Variants in RAF1 observed in about 807,000 individuals in gnomAD.
RAF1 encodes the protein RAF proto-oncogene serine/threonine-protein kinase.
RAF1 carries 27 observed loss-of-function variants against 81.1 expected under a neutral mutation model. That is an observed-to-expected ratio of 0.33 (90% CI 0.25 to 0.46). The LOEUF is 0.46. Among genes scored for constraint, RAF1 ranks in the 20% least tolerant of loss-of-function variants. RAF1 has a pLI of 1.00. For synonymous variants in RAF1, 298 were observed against 294.0 expected (o/e 1.01, Z -0.14); for missense variants, 598 against 826.0 (o/e 0.72, Z 3.38).
intron 1 of RAF1, among the ~76,000 whole-genome samples, chr3:12,629,448 G>C (rs989600709): frequency 1.3e-5 from 2 of 152,124 alleles, no homozygotes; most frequent in Non-Finnish European, 2.9e-5. Context: ...TAATGTATTA[G>C]CTAATACAGA....
intron 14 of RAF1, 62 bp from the exon 14 acceptor site, chr3:12,585,861 C>G: frequency 8.5e-7 from 1 of 1,175,124 alleles, no homozygotes; most frequent in Non-Finnish European, 1.3e-6. Flanking sequence ...GAAAAATATC[C>G]CAAAGTTCTT....
At chr3:12,616,937 T>A (rs975228052) in intron 2 of RAF1, among the ~76,000 whole-genome samples, 2 of 152,260 alleles carry the variant, frequency 1.3e-5, no homozygotes, top group South Asian at 2.1e-4. Flanking sequence ...ACTTTTTTTG[T>A]TTTTCTTTTC....
intron 1 of RAF1, among the ~76,000 whole-genome samples, chr3:12,650,344 C>T (rs2060484867): frequency 6.6e-6 from 1 of 151,872 alleles, no homozygotes; most frequent in Non-Finnish European, 1.5e-5. Context: ...ATATAACCTA[C>T]ATAATTATAT....
intron 1 of RAF1, among the ~76,000 whole-genome samples, chr3:12,619,394 T>C (rs1411252310): frequency 8.6e-5 from 13 of 151,836 alleles, no homozygotes; most frequent in Admixed American, 7.9e-4. Flanking sequence ...TAAAATGCTG[T>C]CACTACTTAA....
intron 1 of RAF1, 107 bp from the exon 2 acceptor site, chr3:12,618,854 A>T: frequency 1.2e-6 from 1 of 849,412 alleles, no homozygotes; most frequent in Non-Finnish European, 1.9e-6. Context: ...GTTTTTAATG[A>T]TACCTCCTGC....
At chr3:12,643,241 T>A (rs1047566314) in intron 1 of RAF1, among the ~76,000 whole-genome samples, 2 of 152,032 alleles carry the variant, frequency 1.3e-5, no homozygotes, top group African/African-American at 4.8e-5. Context: ...GGCAAAAAGG[T>A]GTACTGTATT....
At chr3:12,634,299 A>G (rs1304201660) in intron 1 of RAF1, among the ~76,000 whole-genome samples, 1 of 149,324 alleles carries the variant, frequency 6.7e-6, no homozygotes, top group Non-Finnish European at 1.5e-5. Flanking sequence ...AGCACACACT[A>G]CCACGCCTGG....
At chr3:12,639,143 C>T (rs2060112634) in intron 1 of RAF1, among the ~76,000 whole-genome samples, 1 of 152,112 alleles carries the variant, frequency 6.6e-6, no homozygotes, top group Non-Finnish European at 1.5e-5. Context: ...TCAATAGATG[C>T]AGAAAAGGCC....
At chr3:12,601,228 G>C (rs2058852405) in intron 8 of RAF1, among the ~76,000 whole-genome samples, 1 of 152,214 alleles carries the variant, frequency 6.6e-6, no homozygotes, top group African/African-American at 2.4e-5. Flanking sequence ...CATCTGAACA[G>C]GTAGAGAGAC....
chr3:12,632,421 G>C (rs190125707), intron 1 of RAF1, among the ~76,000 whole-genome samples: 8 of 151,666 alleles, frequency 5.3e-5, no homozygotes, highest in Admixed American at 5.3e-4. Context: ...TGATCTTTTG[G>C]GGCAGGGAGA....
chr3:12,652,338 C>G (rs1189685969), intron 1 of RAF1, among the ~76,000 whole-genome samples: 1 of 150,702 alleles, frequency 6.6e-6, no homozygotes, highest in East Asian at 2.0e-4. Context: ...CTGGCCAACA[C>G]AGTGAAGCCC....
chr3:12,644,156 A>C (rs1053068672), intron 1 of RAF1, among the ~76,000 whole-genome samples: 3 of 152,212 alleles, frequency 2.0e-5, no homozygotes, highest in African/African-American at 7.2e-5. Flanking sequence ...TACAAAGTAC[A>C]ATGAAGTAGC....
intron 1 of RAF1, among the ~76,000 whole-genome samples, chr3:12,627,713 T>C (rs1206808022): frequency 1.4e-5 from 2 of 144,262 alleles, no homozygotes; most frequent in Non-Finnish European, 3.1e-5. Flanking sequence ...TTTGAGGATA[T>C]ATTTGCTTTA....
chr3:12,614,940 T>A (rs1321806284), intron 2 of RAF1, among the ~76,000 whole-genome samples: 1 of 152,204 alleles, frequency 6.6e-6, no homozygotes, highest in African/African-American at 2.4e-5. Flanking sequence ...TTCTAAGCTA[T>A]AAAGTGATAT....
intron 12 of RAF1, 52 bp from the exon 12 acceptor site, chr3:12,591,026 G>A (rs769329306): frequency 1.3e-6 from 2 of 1,510,662 alleles, no homozygotes; most frequent in South Asian, 1.2e-5. Context: ...GCTCAGGGAG[G>A]TCTACTGTGC....
chr3:12,661,789 T>A, intron 1 of RAF1, among the ~76,000 whole-genome samples: 1 of 152,128 alleles, frequency 6.6e-6, no homozygotes. Flanking sequence ...TGTGAGCAAG[T>A]ATAACTTTAA....
chr3:12,661,928 T>C (rs2060889539), intron 1 of RAF1, among the ~76,000 whole-genome samples: 1 of 151,834 alleles, frequency 6.6e-6, no homozygotes, highest in Non-Finnish European at 1.5e-5. Context: ...ATCACACCTG[T>C]AATTTCAGCA....
intron 1 of RAF1, among the ~76,000 whole-genome samples, chr3:12,631,443 G>GA (rs1491366806): frequency 8.5e-6 from 1 of 116,964 alleles, no homozygotes; most frequent in African/African-American, 2.8e-5. Context: ...CTAAAAATAC[G>GA]AAAAAATTAG....
At chr3:12,660,277 C>T (rs1038385759) in intron 1 of RAF1, among the ~76,000 whole-genome samples, 2 of 150,422 alleles carry the variant, frequency 1.3e-5, no homozygotes, top group African/African-American at 4.9e-5. Flanking sequence ...CCATAAAATA[C>T]GTTCAAGCCT....
Sources: allele counts gnomAD v4.1 joint callset (sites outside exome capture counted in the v4.1 genomes callset), GRCh38; gene constraint gnomAD v4.1.1; transcripts MANE v1.5; gene names NCBI Gene and HGNC (gene_info 2026-07-23, HGNC 2026-07-21).